Variants in CHMP6 observed in about 807,000 individuals in gnomAD.
CHMP6 encodes chromatin-modifying protein 6.
Under a neutral mutation model 32.8 loss-of-function variants are expected in CHMP6, and 10 were observed. The observed-to-expected ratio is 0.30, with a 90% CI of 0.19 to 0.52. The LOEUF is 0.52. Among genes scored for constraint, CHMP6 ranks in the 20% least tolerant of loss-of-function variants. The pLI is 0.97. For synonymous variants in CHMP6, 123 were observed against 105.8 expected, an observed-to-expected ratio of 1.16 and a Z score of -1.00; for missense variants, 269 against 263.8, an observed-to-expected ratio of 1.02 and a Z score of -0.14.
At position 80,992,950 on chromosome 17, in the gene CHMP6, G is replaced by A. The variant is rs1414964669; in HGVS notation, c.63+969G>A. On this transcript the variant is annotated intron_variant, in intron 1 of 7. Transcript: ENST00000325167. ...CTTACGTTGGCATCTGAGTCCATAA[G>A]CTGTGAAAAGAAACAACGGGCACAT... Among the ~76,000 whole-genome samples, 4 of 152,332 alleles carry A rather than the reference G, an allele frequency of 2.6e-5. No individual in the cohort carries two copies. In the East Asian group the frequency reaches 7.7e-4, roughly 29 times the overall value.
At position 80,999,391 on chromosome 17, in the gene CHMP6, G is replaced by T; in HGVS notation, c.*238G>T. On this transcript the variant is annotated 3_prime_UTR_variant, in exon 8 of 8. Transcript: ENST00000325167. Reference sequence around the variant, plus strand: ...TCAGTCCGGATTAACTCTCGACCGAGCCCAGCTTCTGCCGGTTGTGGGCTC... The same window carrying T: ...TCAGTCCGGATTAACTCTCGACCGATCCCAGCTTCTGCCGGTTGTGGGCTC... 2.0e-6 allele frequency: 1 copy of T among 502,872 alleles called. No homozygotes were observed. The highest frequency in any genetic ancestry group is 3.6e-6 in the Non-Finnish European group (1 of 277,944). The allele number at this position is 502,872 out of a possible 1,614,324, so 31.2% of individuals were successfully genotyped here. A position where few individuals can be genotyped will look rare whatever the true frequency, so the allele number is the denominator to read the frequency against.
At chr17:80,992,374 C>A (rs2069600237) in intron 1 of CHMP6, among the ~76,000 whole-genome samples, 1 of 137,832 alleles carries the variant, frequency 7.3e-6, no homozygotes, top group African/African-American at 2.8e-5. Context: ...CAGGTCCCGG[C>A]TCTCCCGGAG....
intron 7 of CHMP6, chr17:80,998,656 C>T: frequency 7.1e-7 from 1 of 1,407,614 alleles, no homozygotes; most frequent in East Asian, 2.6e-5. Flanking sequence ...GAGACACATT[C>T]AGAAATCAGA....
chr17:80,998,953 C>T (rs2069662566), intron 7 of CHMP6, 145 bp from the exon 8 acceptor site: 3 of 904,390 alleles, frequency 3.3e-6, no homozygotes, highest in African/African-American at 1.7e-5. Context: ...CTGTTTGTCA[C>T]TTGCCTCCCC....
chr17:80,993,066 C>T (rs2069606632), intron 1 of CHMP6, among the ~76,000 whole-genome samples: 1 of 152,186 alleles, frequency 6.6e-6, no homozygotes, highest in Non-Finnish European at 1.5e-5. Flanking sequence ...CACCTTCCAC[C>T]TACCCTGCCA....
chr17:80,997,733 C>T (rs1010587954), intron 6 of CHMP6, among the ~76,000 whole-genome samples: 16 of 152,120 alleles, frequency 1.1e-4, no homozygotes, highest in African/African-American at 3.9e-4. Flanking sequence ...TGTATTCACT[C>T]CCCGACACAG....
At chr17:80,994,554 G>A in intron 1 of CHMP6, 27 bp from the exon 2 acceptor site, 1 of 1,535,278 alleles carries the variant, frequency 6.5e-7, no homozygotes, top group Non-Finnish European at 8.8e-7. Context: ...TGGGCTCGGT[G>A]ACGCCAGGCC....
At chr17:80,995,317 G>C (rs375925648) in intron 3 of CHMP6, among the ~76,000 whole-genome samples, 1 of 152,188 alleles carries the variant, frequency 6.6e-6, no homozygotes, top group Non-Finnish European at 1.5e-5. Context: ...GTTGGCTCTC[G>C]CAGGACTGAG....
intron 1 of CHMP6, among the ~76,000 whole-genome samples, chr17:80,994,136 G>A (rs1289523108): frequency 6.6e-6 from 1 of 152,284 alleles, no homozygotes; most frequent in South Asian, 2.1e-4. Context: ...GGATGGTCTC[G>A]ATCTCCTGAC....
Position 80,999,021 on chromosome 17 carries a change from C to G in CHMP6, c.551-77C>G, listed in dbSNP as rs990152341. ...TCCCCGGAACTGGCCCTTGCCACCC[C>G]TGTGGCCTCGTCCCTCTCTGGAGGT... is the stretch of plus-strand genomic sequence containing the variant. On this transcript the variant is annotated intron_variant, in intron 7 of 7. Transcript: ENST00000325167. 1.9e-6 allele frequency: 3 copies of G among 1,561,892 alleles called. No individual in the cohort carries two copies. The African/African-American group carries it at 4.1e-5, about 21-fold the overall frequency.
At chr17:80,995,204 C>T in intron 3 of CHMP6, 98 bp downstream of exon 3, 1 of 1,225,718 alleles carries the variant, frequency 8.2e-7, no homozygotes, top group Non-Finnish European at 1.2e-6. Flanking sequence ...GAGCTGAAAG[C>T]TCCTCTCAGA....
At chr17:80,993,989 T>C (rs1054852016) in intron 1 of CHMP6, among the ~76,000 whole-genome samples, 1 of 152,136 alleles carries the variant, frequency 6.6e-6, no homozygotes, top group Non-Finnish European at 1.5e-5. Context: ...CTCGGCTCAC[T>C]GCAAGCTCTG....
Position 80,999,222 on chromosome 17 carries a change from G to A in CHMP6, c.*69G>A, listed in dbSNP as rs1018844587. On this transcript the variant is annotated 3_prime_UTR_variant, in exon 8 of 8. Transcript: ENST00000325167. ...GTGGCCCACAGAGAGTTTGGGTCAC[G>A]GCCAGCCCCTGACCGGGTTCCCTGG... 9.5e-6 allele frequency: 15 copies of A among 1,582,126 alleles called. No individual in the cohort carries two copies. Among genetic ancestry groups the A allele is most frequent in the African/African-American group, 1.3e-5 (1 of 74,196 alleles).
rs948877119 is a variant in CHMP6 at position 80,999,299 on chromosome 17, A to C, written c.*146A>C. 3.6e-6 allele frequency: 3 copies of C among 835,174 alleles called. No individual in the cohort carries two copies. Among genetic ancestry groups the C allele is most frequent in the African/African-American group, 3.4e-5 (2 of 59,290 alleles). 51.7% of individuals were successfully genotyped at this position (835,174 alleles called of 1,614,324 possible). On this transcript the variant is annotated 3_prime_UTR_variant, in exon 8 of 8. Coordinates refer to ENST00000325167, the MANE Select transcript of CHMP6 (RefSeq NM_024591.5). ...AGCTGCAGCCACGCAGGCGCATTGC[A>C]GGAGGACTCCAGAGCGTCTCCTGGA...
Position 80,991,872 on chromosome 17 carries a change from G to C in CHMP6, c.-47G>C. On this transcript the variant is annotated 5_prime_UTR_variant, in exon 1 of 8. Coordinates refer to ENST00000325167, the MANE Select transcript of CHMP6 (RefSeq NM_024591.5). ...CGAGCTACGGTGGCCGCGGGGCGGC[G>C]GTGGCGATTGGACTTGGTGGGTCCC... 7.4e-7 allele frequency: 1 copy of C among 1,347,030 alleles called. No individual in the cohort carries two copies. The highest frequency in any genetic ancestry group is 9.7e-7 in the Non-Finnish European group (1 of 1,034,562). The allele number at this position is 1,347,030 out of a possible 1,614,324, so 83.4% of individuals were successfully genotyped here. A position where few individuals can be genotyped will look rare whatever the true frequency, so the allele number is the denominator to read the frequency against.
At position 80,999,242 on chromosome 17, in the gene CHMP6, C is replaced by T; in HGVS notation, c.*89C>T. 2 of 1,493,982 alleles carry T rather than the reference C, an allele frequency of 1.3e-6. No homozygotes were observed. Among genetic ancestry groups the T allele is most frequent in the Non-Finnish European group, 1.9e-6 (2 of 1,074,588 alleles). 92.5% of individuals were successfully genotyped at this position (1,493,982 alleles called of 1,614,324 possible). On this transcript the variant is annotated 3_prime_UTR_variant, in exon 8 of 8. Coordinates refer to ENST00000325167, the MANE Select transcript of CHMP6 (RefSeq NM_024591.5). Reference sequence around the variant, plus strand: ...GTCACGGCCAGCCCCTGACCGGGTTCCCTGGAGCCCAGTGCGCACGGTGCT... The same window carrying T: ...GTCACGGCCAGCCCCTGACCGGGTTTCCTGGAGCCCAGTGCGCACGGTGCT...
Position 80,991,868 on chromosome 17 carries a change from C to T in CHMP6, c.-51C>T, listed in dbSNP as rs777642121. ...GACCCGAGCTACGGTGGCCGCGGGG[C>T]GGCGGTGGCGATTGGACTTGGTGGG... is the stretch of plus-strand genomic sequence containing the variant. On this transcript the variant is annotated 5_prime_UTR_variant, in exon 1 of 8. Transcript: ENST00000325167. The T allele has an allele frequency of 2.6e-5, 35 of 1,326,702 alleles. No homozygotes were observed. Among genetic ancestry groups the T allele is most frequent in the South Asian group, 7.2e-5 (4 of 55,762 alleles). 82.2% of individuals were successfully genotyped at this position (1,326,702 alleles called of 1,614,324 possible).
intron 5 of CHMP6, 32 bp from the exon 6 acceptor site, chr17:80,997,229 C>T (rs781108599): frequency 1.1e-5 from 17 of 1,612,700 alleles, no homozygotes; most frequent in Admixed American, 1.0e-4. Context: ...GCCACCTCCT[C>T]GCTGCTCTCA....
chr17:80,996,734 T>C (rs1160172383), intron 4 of CHMP6, among the ~76,000 whole-genome samples: 1 of 152,228 alleles, frequency 6.6e-6, no homozygotes, highest in African/African-American at 2.4e-5. Context: ...ACGGCCCCTG[T>C]GGCCTCAGGA....
Sources: allele counts gnomAD v4.1 joint callset (sites outside exome capture counted in the v4.1 genomes callset), GRCh38; gene constraint gnomAD v4.1.1; transcripts MANE v1.5; gene names NCBI Gene and HGNC (gene_info 2026-07-23, HGNC 2026-07-21).